LRRC4C: variants seen among roughly 807,000 people sequenced by gnomAD.
LRRC4C encodes the protein leucine rich repeat containing 4C, also known as leucine-rich repeat-containing protein 4C.
In LRRC4C, 5 loss-of-function variants were observed where a neutral mutation model predicts 33.6. The observed-to-expected ratio is 0.15, with a 90% CI of 0.08 to 0.31. LRRC4C has a LOEUF of 0.31. Among genes scored for constraint, LRRC4C ranks in the 10% least tolerant of loss-of-function variants. LRRC4C has a pLI of 1.00. For missense variants in LRRC4C, 560 were observed against 796.7 expected (o/e 0.70, Z 3.58); for synonymous variants, 329 against 302.0 (o/e 1.09, Z -0.93).
intron 3 of LRRC4C, among the ~76,000 whole-genome samples, chr11:40,341,775 T>C (rs549262029): frequency 1.5e-4 from 23 of 152,338 alleles, no homozygotes; most frequent in South Asian, 8.3e-4. Flanking sequence ...AGTTGATACA[T>C]CACTTTTCAT....
chr11:41,343,366 GAAAAC>G (rs58062144), intron 1 of LRRC4C, among the ~76,000 whole-genome samples: 7 of 151,502 alleles, frequency 4.6e-5, no homozygotes, highest in East Asian at 2.0e-4. Context: ...TGATTAAAGA[GAAAAC>G]AAAACAAAAC....
At chr11:41,308,962 G>A (rs1157846589) in intron 1 of LRRC4C, among the ~76,000 whole-genome samples, 2 of 152,010 alleles carry the variant, frequency 1.3e-5, no homozygotes, top group Non-Finnish European at 2.9e-5. Flanking sequence ...GCGTCAACAC[G>A]CCCGGCTAAT....
intron 1 of LRRC4C, among the ~76,000 whole-genome samples, chr11:41,027,548 TA>T (rs1477919863): frequency 6.6e-6 from 1 of 151,746 alleles, no homozygotes; most frequent in Non-Finnish European, 1.5e-5. Flanking sequence ...ACAATAATTT[TA>T]ACGTTAAAAC....
At chr11:40,989,411 T>C (rs962772607) in intron 1 of LRRC4C, among the ~76,000 whole-genome samples, 1 of 152,120 alleles carries the variant, frequency 6.6e-6, no homozygotes, top group Non-Finnish European at 1.5e-5. Context: ...CTGTTCACCA[T>C]GGTTAAGGAA....
At chr11:40,169,327 G>C (rs1565082760) in intron 5 of LRRC4C, among the ~76,000 whole-genome samples, 1 of 152,024 alleles carries the variant, frequency 6.6e-6, no homozygotes, top group African/African-American at 2.4e-5. Context: ...TCTGGACCAG[G>C]GAAGGATGCA....
Position 40,585,799 on chromosome 11 carries a change from A to T in LRRC4C, c.-270+62343T>A, listed in dbSNP as rs1284931482. Among the ~76,000 whole-genome samples, 62 of 137,068 alleles carry T rather than the reference A, an allele frequency of 4.5e-4. 7 individuals are homozygous for T. The highest frequency in any genetic ancestry group is 3.5e-3 in the South Asian group (14 of 3,944). The allele number at this position is 137,068 out of a possible 152,430, so 89.9% of individuals were successfully genotyped here. ...CATCCATGTCCCTACAAAGGATATG[A>T]ACTCATCATTTTTTATGGCTGCATA... On this transcript the variant is annotated intron_variant, in intron 3 of 6. Transcript: ENST00000528697.
intron 3 of LRRC4C, among the ~76,000 whole-genome samples, chr11:40,333,902 G>A (rs1474465596): frequency 6.6e-6 from 1 of 151,872 alleles, no homozygotes; most frequent in African/African-American, 2.4e-5. Context: ...AAGAGAGAGA[G>A]TGATAGGGAG....
chr11:40,602,935 C>T (rs1960175045), intron 3 of LRRC4C, among the ~76,000 whole-genome samples: 1 of 152,126 alleles, frequency 6.6e-6, no homozygotes, highest in African/African-American at 2.4e-5. Context: ...CCCCTTCACA[C>T]CGTGACTTCC....
chr11:41,236,080 T>C (rs1434594857), intron 1 of LRRC4C, among the ~76,000 whole-genome samples: 1 of 151,850 alleles, frequency 6.6e-6, no homozygotes, highest in Admixed American at 6.6e-5. Flanking sequence ...GGGAAGCACT[T>C]AAAAAAAATG....
intron 3 of LRRC4C, among the ~76,000 whole-genome samples, chr11:40,323,115 C>T (rs1945932648): frequency 6.6e-6 from 1 of 152,126 alleles, no homozygotes; most frequent in African/African-American, 2.4e-5. Context: ...TCTTTTTGCT[C>T]AGAGCAGCCT....
At chr11:40,753,716 G>A (rs1391080549) in intron 2 of LRRC4C, among the ~76,000 whole-genome samples, 3 of 151,730 alleles carry the variant, frequency 2.0e-5, no homozygotes, top group Admixed American at 6.6e-5. Context: ...GTATTCTAAA[G>A]TGCGTCATAT....
chr11:40,194,233 GC>G (rs1187851395), intron 5 of LRRC4C, among the ~76,000 whole-genome samples: 5 of 152,200 alleles, frequency 3.3e-5, no homozygotes, highest in African/African-American at 1.2e-4. Context: ...ACAAAGGGAA[GC>G]CCATCAGACT....
At chr11:40,729,090 T>A (rs549336825) in intron 2 of LRRC4C, among the ~76,000 whole-genome samples, 4 of 152,206 alleles carry the variant, frequency 2.6e-5, no homozygotes, top group Admixed American at 1.3e-4. Flanking sequence ...TCATGCAATA[T>A]ACCTGTGTAA....
intron 3 of LRRC4C, among the ~76,000 whole-genome samples, chr11:40,463,070 C>T (rs547626183): frequency 6.6e-6 from 1 of 152,196 alleles, no homozygotes; most frequent in African/African-American, 2.4e-5. Flanking sequence ...TGTCACTGAA[C>T]AAGTAACTAT....
chr11:40,359,541 G>T lies in LRRC4C; in HGVS notation c.-269-39820C>A, dbSNP rs1280366044. The stretch of plus-strand genomic sequence containing the variant: ...TACAAAACATCACAATGCTAATTCT[G>T]GTCCTTATCTCATGACTATACTATC... On this transcript the variant is annotated intron_variant, in intron 3 of 6. Coordinates refer to ENST00000528697, the MANE Select transcript of LRRC4C (RefSeq NM_001258419.2). Among the ~76,000 whole-genome samples the T allele has an allele frequency of 8.5e-5, 13 of 152,140 alleles. 1 individual carries two copies. The South Asian group carries it at 2.7e-3, about 32-fold the overall frequency.
chr11:41,417,830 T>C (rs72896595), intron 1 of LRRC4C, among the ~76,000 whole-genome samples: 3,797 of 151,982 alleles, frequency 0.025, 56 homozygotes, highest in Non-Finnish European at 0.039. Flanking sequence ...ATACATATTA[T>C]GCTTTAATCC....
chr11:40,195,527 G>T (rs1862189810), intron 5 of LRRC4C, among the ~76,000 whole-genome samples: 1 of 152,044 alleles, frequency 6.6e-6, no homozygotes, highest in Admixed American at 6.6e-5. Flanking sequence ...GGGTCAGAGT[G>T]TGCCCTGAAG....
intron 2 of LRRC4C, among the ~76,000 whole-genome samples, chr11:40,681,618 G>A (rs1257195726): frequency 6.6e-6 from 1 of 152,080 alleles, no homozygotes; most frequent in African/African-American, 2.4e-5. Context: ...GGCATAAAAT[G>A]GCTGGGTGTT....
At chr11:40,475,149 A>G (rs541077411) in intron 3 of LRRC4C, among the ~76,000 whole-genome samples, 4 of 152,276 alleles carry the variant, frequency 2.6e-5, no homozygotes, top group Middle Eastern at 6.8e-3. Context: ...ACATACATGC[A>G]CATGTATGTT....
Sources: gnomAD v4.1 joint callset for allele counts (sites outside exome capture counted in the v4.1 genomes callset) on GRCh38, gnomAD v4.1.1 for gene constraint, MANE v1.5 for transcripts, NCBI Gene and HGNC (gene_info 2026-07-23, HGNC 2026-07-21) for gene names.